The following DNAJC6 variants were observed in gnomAD, a reference collection of about 807,000 sequenced individuals.
DNAJC6 encodes DnaJ heat shock protein family (Hsp40) member C6, also known as auxilin.
DNAJC6 carries 34 observed loss-of-function variants against 110.0 expected under a neutral mutation model. The ratio of observed to expected loss-of-function variants is 0.31; its 90% confidence interval spans 0.24 to 0.41. DNAJC6 has a LOEUF of 0.41. DNAJC6 is among the 10% of genes least tolerant of loss of function. DNAJC6 has a pLI of 1.00. For synonymous variants in DNAJC6, 406 were observed against 437.2 expected (o/e 0.93, Z 0.89); for missense variants, 1,031 against 1,207.8 (o/e 0.85, Z 2.17).
intron 1 of DNAJC6, among the ~76,000 whole-genome samples, chr1:65,344,708 A>G (rs1394024020): frequency 6.6e-6 from 1 of 152,136 alleles, no homozygotes; most frequent in East Asian, 1.9e-4. Context: ...TTCCACTGTC[A>G]TGATTTACAG....
At chr1:65,290,897 C>A (rs1044587402) in intron 1 of DNAJC6, among the ~76,000 whole-genome samples, 3 of 152,044 alleles carry the variant, frequency 2.0e-5, no homozygotes, top group African/African-American at 7.3e-5. Context: ...AGGAAAATGT[C>A]CCCATTAGGA....
chr1:65,278,295 C>T lies in DNAJC6; in HGVS notation c.-131+13363C>T, dbSNP rs1389663773. On this transcript the variant is annotated intron_variant, in intron 1 of 19. Transcript: ENST00000263441. Reference sequence around the variant, plus strand: ...CTCCTTTTTCAAATCAATATTATGGCAATTCTAGTAAATGATCAGGGAAAT... The same window carrying T: ...CTCCTTTTTCAAATCAATATTATGGTAATTCTAGTAAATGATCAGGGAAAT... Among the ~76,000 whole-genome samples, 4 of 152,142 alleles carry T rather than the reference C, an allele frequency of 2.6e-5. No individual in the cohort carries two copies. In the South Asian group the frequency reaches 8.3e-4, roughly 32 times the overall value.
intron 1 of DNAJC6, 77 bp downstream of exon 1, chr1:65,310,015 C>A (rs1645083416): frequency 7.3e-7 from 1 of 1,366,354 alleles, no homozygotes; most frequent in Non-Finnish European, 9.4e-7. Context: ...GCCCGAGGCC[C>A]CCCCGTGGTC....
At chr1:65,347,588 A>G (rs1645448942) in intron 1 of DNAJC6, among the ~76,000 whole-genome samples, 2 of 152,144 alleles carry the variant, frequency 1.3e-5, no homozygotes. Flanking sequence ...TATAAAATAT[A>G]ACAAAATATA....
At chr1:65,326,549 AG>A (rs903537947) in intron 1 of DNAJC6, among the ~76,000 whole-genome samples, 1 of 152,196 alleles carries the variant, frequency 6.6e-6, no homozygotes, top group Non-Finnish European at 1.5e-5. Context: ...TAAAAACCAA[AG>A]GAAGGTAGTT....
intron 8 of DNAJC6, 139 bp from the exon 9 acceptor site, chr1:65,388,197 G>A: frequency 1.4e-6 from 1 of 733,206 alleles, no homozygotes; most frequent in Non-Finnish European, 2.4e-6. Context: ...TCTAACTGGG[G>A]AGGTCATTTA....
chr1:65,405,902 C>A lies in DNAJC6; in HGVS notation c.2260C>A (p.Pro754Thr). The change falls in exon 16 of 19, where the codon CCA (proline) becomes ACA (threonine). Residue 754 changes from proline to threonine, a missense_variant. Transcript: ENST00000371069. ...SSSFASKPTT[P>T]TGLGGGFPPL... The stretch of plus-strand genomic sequence containing the variant: ...TTCCTTTGCCAGCAAACCCACCACA[C>A]CAACTGGATTGGGTGGAGGATTCCC... The A allele has an allele frequency of 6.2e-7, 1 of 1,611,786 alleles. No homozygotes were observed. The highest frequency in any genetic ancestry group is 8.5e-7 in the Non-Finnish European group (1 of 1,178,458).
Position 65,366,127 on chromosome 1 carries a change from A to T in DNAJC6, c.474A>T (p.Arg158Ser). ...ACATTCGAAGCTTTTTGGATTCCAG[A>T]CATCTTGACCACTACACAGTATACA... The part of the protein sequence containing the change: ...VDDIRSFLDS[R>S]HLDHYTVYNL... The change falls in exon 4 of 19, where the codon AGA (arginine) becomes AGT (serine). Residue 158 changes from arginine to serine, a missense_variant. Coordinates refer to ENST00000371069, the MANE Select transcript of DNAJC6 (RefSeq NM_001256864.2). 1 of 1,613,894 alleles carries T rather than the reference A, an allele frequency of 6.2e-7. No individual in the cohort carries two copies.
chr1:65,356,626 T>C (rs1035113969), intron 1 of DNAJC6, among the ~76,000 whole-genome samples: 2 of 151,718 alleles, frequency 1.3e-5, no homozygotes, highest in Non-Finnish European at 2.9e-5. Context: ...AAATAAAAAT[T>C]TCTGGTCATT....
At chr1:65,378,080 C>A (rs1411197510) in intron 4 of DNAJC6, among the ~76,000 whole-genome samples, 1 of 134,462 alleles carries the variant, frequency 7.4e-6, no homozygotes, top group East Asian at 3.2e-4. Flanking sequence ...TCCAGGTGTC[C>A]CACCACCTAT....
chr1:65,297,260 T>C (rs1221607564), intron 1 of DNAJC6, among the ~76,000 whole-genome samples: 1 of 152,156 alleles, frequency 6.6e-6, no homozygotes, highest in Non-Finnish European at 1.5e-5. Context: ...GGAAATTAGC[T>C]GGTCCTAGAA....
intron 1 of DNAJC6, among the ~76,000 whole-genome samples, chr1:65,340,005 A>G (rs1055563224): frequency 2.6e-5 from 4 of 152,210 alleles, no homozygotes; most frequent in Non-Finnish European, 5.9e-5. Context: ...CTCACATTAT[A>G]TAGACTCTAT....
Position 65,385,720 on chromosome 1 carries a change from G to T in DNAJC6, c.809G>T (p.Gly270Val), listed in dbSNP as rs1645865223. ...GLSPSHRRYLGYMCDLLADKP... is the reference protein window; with the variant it reads ...GLSPSHRRYLVYMCDLLADKP... ...CCAACCTTCTGTTTCAGATACCTGG[G>T]CTATATGTGTGACCTACTGGCAGAC... is the stretch of plus-strand genomic sequence containing the variant. Residue 270 changes from glycine (G) to valine (V), a missense_variant, in exon 7 of 19, where the codon GGC (glycine) becomes GTC (valine). Gly to Val is a moderately radical substitution (Grantham distance 109). Coordinates refer to ENST00000371069, the MANE Select transcript of DNAJC6 (RefSeq NM_001256864.2). 1 of 1,605,608 alleles carries T rather than the reference G, an allele frequency of 6.2e-7. No homozygotes were observed. The highest frequency in any genetic ancestry group is 1.1e-5 in the South Asian group (1 of 90,338).
chr1:65,309,861 A>G lies in DNAJC6; in HGVS notation c.116A>G (p.Gln39Arg). 6.5e-7 allele frequency: 1 copy of G among 1,548,194 alleles called. No homozygotes were observed. Among genetic ancestry groups the G allele is most frequent in the Non-Finnish European group, 8.7e-7 (1 of 1,145,814 alleles). ...SAGSGGVGGKQRVNAGAAARS... is the reference protein window; with the variant it reads ...SAGSGGVGGKRRVNAGAAARS... Reference sequence around the variant, plus strand: ...GGAAGCGGCGGGGTTGGCGGCAAGCAGAGAGTGAACGCCGGGGCAGCGGCG... The same window carrying G: ...GGAAGCGGCGGGGTTGGCGGCAAGCGGAGAGTGAACGCCGGGGCAGCGGCG... The change falls in exon 1 of 19, where the codon CAG (glutamine) becomes CGG (arginine). Residue 39 changes from glutamine to arginine, a missense_variant. Gln to Arg is a conservative substitution (Grantham distance 43). Coordinates refer to ENST00000371069, the MANE Select transcript of DNAJC6 (RefSeq NM_001256864.2).
At chr1:65,292,783 C>T (rs1389038895) in intron 1 of DNAJC6, among the ~76,000 whole-genome samples, 2 of 151,928 alleles carry the variant, frequency 1.3e-5, no homozygotes, top group Non-Finnish European at 1.5e-5. Context: ...TTGAGATAAC[C>T]ACCCCCAAAA....
At chr1:65,285,641 T>C (rs1653992595) in intron 1 of DNAJC6, among the ~76,000 whole-genome samples, 1 of 152,132 alleles carries the variant, frequency 6.6e-6, no homozygotes, top group South Asian at 2.1e-4. Context: ...ACTATGATTG[T>C]TTTTTCATTT....
chr1:65,366,411 G>A (rs920342041), intron 4 of DNAJC6, among the ~76,000 whole-genome samples: 1 of 152,206 alleles, frequency 6.6e-6, no homozygotes, highest in Non-Finnish European at 1.5e-5. Context: ...ATCTGTCAAT[G>A]AAATACCATC....
intron 1 of DNAJC6, among the ~76,000 whole-genome samples, chr1:65,326,930 A>G (rs992388035): frequency 2.6e-5 from 4 of 152,144 alleles, no homozygotes; most frequent in Non-Finnish European, 5.9e-5. Flanking sequence ...CATGTGAGGA[A>G]CCTGTCTTAT....
chr1:65,369,379 T>C (rs773249882), intron 4 of DNAJC6, among the ~76,000 whole-genome samples: 9 of 152,234 alleles, frequency 5.9e-5, no homozygotes, highest in Non-Finnish European at 8.8e-5. Flanking sequence ...TTGCATCTCA[T>C]TGTTGCATGA....
Sources: allele counts gnomAD v4.1 joint callset (sites outside exome capture counted in the v4.1 genomes callset), GRCh38; gene constraint gnomAD v4.1.1; transcripts MANE v1.5; gene names NCBI Gene and HGNC (gene_info 2026-07-23, HGNC 2026-07-21).